Variants in ZNF736 observed in about 807,000 individuals in gnomAD.
ZNF736 encodes the protein KRAB-containing zinc-finger repressor protein.
ZNF736 carries 6 observed loss-of-function variants against 11.7 expected under a neutral mutation model. That is an observed-to-expected ratio of 0.51 (90% CI 0.28 to 1.01). The LOEUF (loss-of-function observed/expected upper bound fraction) is 1.01. ZNF736 is among the 50% of genes least tolerant of loss of function. The pLI is 0.09. For missense variants in ZNF736, 444 were observed against 496.0 expected (o/e 0.90, Z 1.00); for synonymous variants, 139 against 164.7 (o/e 0.84, Z 1.19).
At chr7:64,331,608 G>A (rs1472141871) in intron 1 of ZNF736, among the ~76,000 whole-genome samples, 1 of 152,196 alleles carries the variant, frequency 6.6e-6, no homozygotes, top group Non-Finnish European at 1.5e-5. Context: ...ATGATTGCTG[G>A]AGGGTGCTAT....
Position 64,348,171 on chromosome 7 carries a change from A to G in ZNF736, c.308A>G (p.Tyr103Cys). 6.4e-7 allele frequency: 1 copy of G among 1,550,448 alleles called. No individual in the cohort carries two copies. Residue 103 changes from tyrosine (Y) to cysteine (C), a missense_variant, in exon 4 of 4, where the codon TAT becomes TGT. Tyr to Cys is a radical substitution (Grantham distance 194). Transcript: ENST00000423484. ...DSFQKVILRK[Y>C]GSCDLNNLHL... ...TTTCAAAAAGTGATTCTGAGAAAAT[A>G]TGGAAGCTGTGACCTTAATAATTTA...
chr7:64,344,106 C>G (rs769820063), intron 3 of ZNF736, among the ~76,000 whole-genome samples: 6 of 152,138 alleles, frequency 3.9e-5, no homozygotes, highest in Non-Finnish European at 5.9e-5. Flanking sequence ...AGTTCAAGAC[C>G]AGCCTGGCCA....
At chr7:64,336,175 C>G in intron 1 of ZNF736, 84 bp from the exon 2 acceptor site, 1 of 1,487,656 alleles carries the variant, frequency 6.7e-7, no homozygotes, top group South Asian at 1.2e-5. Flanking sequence ...TAAGTCAGAA[C>G]CAGCTATCTT....
intron 1 of ZNF736, among the ~76,000 whole-genome samples, chr7:64,325,234 T>C (rs1326185557): frequency 6.6e-6 from 1 of 152,204 alleles, no homozygotes; most frequent in African/African-American, 2.4e-5. Flanking sequence ...TAAGCCAGCC[T>C]TGTATAGAAA....
intron 1 of ZNF736, among the ~76,000 whole-genome samples, chr7:64,323,422 A>G (rs1037523334): frequency 9.5e-6 from 1 of 104,784 alleles, no homozygotes; most frequent in African/African-American, 3.6e-5. Flanking sequence ...CTTAAGCAGT[A>G]TATTGTTTTT....
chr7:64,348,573 C>G lies in ZNF736; in HGVS notation c.710C>G (p.Thr237Ser). Residue 237 changes from threonine (T) to serine (S), a missense_variant, in exon 4 of 4, where the codon ACT (threonine) becomes AGT (serine). Coordinates refer to ENST00000423484, the MANE Select transcript of ZNF736 (RefSeq NM_001170905.3). ...KPYKCEGCGK[T>S]FTCSSTLVKH... Reference sequence around the variant, plus strand: ...TACAAATGTGAAGGATGTGGCAAAACTTTTACCTGCTCCTCAACCCTTGTT... The same window carrying G: ...TACAAATGTGAAGGATGTGGCAAAAGTTTTACCTGCTCCTCAACCCTTGTT... 1.3e-6 allele frequency: 2 copies of G among 1,589,304 alleles called. No homozygotes were observed. Among genetic ancestry groups the G allele is most frequent in the Middle Eastern group, 1.7e-4 (1 of 6,026 alleles).
rs2115850983 is a variant in ZNF736, at chr7:64,314,011, A to G, written c.-140A>G. The G allele has an allele frequency of 4.2e-6, 5 of 1,201,278 alleles. No homozygotes were observed. The highest frequency in any genetic ancestry group is 3.0e-5 in the African/African-American group (2 of 66,324). 74.4% of individuals were successfully genotyped at this position (1,201,278 alleles called of 1,614,324 possible). On this transcript the variant is annotated 5_prime_UTR_variant, in exon 1 of 4. Coordinates refer to ENST00000423484, the MANE Select transcript of ZNF736 (RefSeq NM_001170905.3). ...TTTGTCTCCTAGCTTCCGGGCTCTGATCCTAGTTCGCGTCTCCACTGTTCC... is the reference window on the plus strand; with the variant it reads ...TTTGTCTCCTAGCTTCCGGGCTCTGGTCCTAGTTCGCGTCTCCACTGTTCC...
intron 3 of ZNF736, among the ~76,000 whole-genome samples, chr7:64,341,698 TTTCTC>T (rs1789340790): frequency 6.6e-6 from 1 of 152,208 alleles, no homozygotes; most frequent in Non-Finnish European, 1.5e-5. Context: ...TTGTTTTAGA[TTTCTC>T]TTGAGGATAA....
intron 1 of ZNF736, among the ~76,000 whole-genome samples, chr7:64,317,018 A>G (rs775886917): frequency 2.2e-4 from 33 of 152,250 alleles, no homozygotes; most frequent in Non-Finnish European, 4.7e-4. Flanking sequence ...CGTAAATTAC[A>G]AAACATTCAT....
intron 1 of ZNF736, among the ~76,000 whole-genome samples, chr7:64,333,658 G>GGA (rs1789204783): frequency 6.6e-6 from 1 of 150,510 alleles, no homozygotes; most frequent in Admixed American, 6.6e-5. Context: ...GACACAAATG[G>GGA]AAAAAAAAAA....
intron 1 of ZNF736, among the ~76,000 whole-genome samples, chr7:64,333,288 A>T (rs1789197013): frequency 6.6e-6 from 1 of 152,154 alleles, no homozygotes; most frequent in Non-Finnish European, 1.5e-5. Flanking sequence ...TCTGAGAAAT[A>T]CTTTTTCCTT....
chr7:64,346,654 A>G (rs1212052638), intron 3 of ZNF736, among the ~76,000 whole-genome samples: 3 of 151,966 alleles, frequency 2.0e-5, no homozygotes, highest in Non-Finnish European at 1.5e-5. Context: ...TGCTTGTGTT[A>G]TGTCTTGTTA....
intron 1 of ZNF736, among the ~76,000 whole-genome samples, chr7:64,317,287 A>G (rs979481388): frequency 8.5e-5 from 13 of 152,188 alleles, no homozygotes; most frequent in Admixed American, 8.5e-4. Context: ...AATTTTTTCT[A>G]AGCTTATAAA....
intron 3 of ZNF736, among the ~76,000 whole-genome samples, chr7:64,343,887 A>G (rs186839004): frequency 2.7e-3 from 417 of 152,282 alleles, no homozygotes; most frequent in African/African-American, 9.5e-3. Flanking sequence ...TATTTTGCCA[A>G]TATAATTATT....
In ZNF736 at chr7:64,349,096, C is replaced by A. The variant is rs527818731; in HGVS notation, c.1233C>A (p.His411Gln). The A allele has an allele frequency of 1.3e-5, 21 of 1,589,514 alleles. No homozygotes were observed. In the Admixed American group the frequency reaches 2.0e-4, roughly 15 times the overall value. ...ECGKASSWFS[H>Q]LIRHKRIHTR... ...GCAAAGCATCGAGCTGGTTCTCACA[C>A]CTCATCAGACATAAGAGAATTCATA... The change falls in exon 4 of 4, where the codon CAC becomes CAA. Residue 411 changes from histidine (H) to glutamine (Q), a missense_variant. His to Gln is a conservative substitution (Grantham distance 24, BLOSUM62 0). Coordinates refer to ENST00000423484, the MANE Select transcript of ZNF736 (RefSeq NM_001170905.3).
chr7:64,328,942 C>T (rs1214287153), intron 1 of ZNF736, among the ~76,000 whole-genome samples: 1 of 117,980 alleles, frequency 8.5e-6, no homozygotes, highest in Non-Finnish European at 1.7e-5. Context: ...CTTAGAGTTG[C>T]CCTCTTGAGG....
Position 64,349,207 on chromosome 7 carries a change from T to C in ZNF736, c.*60T>C. ...GTGTTCAACATCTGAAATTTAATACTGAACAAATGCAGTATAAATGTAATG... is the reference window on the plus strand; with the variant it reads ...GTGTTCAACATCTGAAATTTAATACCGAACAAATGCAGTATAAATGTAATG... On this transcript the variant is annotated 3_prime_UTR_variant, in exon 4 of 4. Transcript: ENST00000423484. 3 of 1,309,582 alleles carry C rather than the reference T, an allele frequency of 2.3e-6. No homozygotes were observed. In the South Asian group the frequency reaches 4.7e-5, roughly 20 times the overall value. The allele number at this position is 1,309,582 out of a possible 1,614,324, so 81.1% of individuals were successfully genotyped here. A position where few individuals can be genotyped will look rare whatever the true frequency, so the allele number is the denominator to read the frequency against.
rs1789545041 is a variant in ZNF736, at chr7:64,355,698, A to C, written c.*6551A>C. ...CGCCTGTCCTTGATTTTAGATCTTG[A>C]CACAGCACATCCTCAACTTATTGTC... On this transcript the variant is annotated 3_prime_UTR_variant, in exon 4 of 4. Transcript: ENST00000423484. The C allele has an allele frequency of 6.5e-6, 1 of 152,798 alleles. No homozygotes were observed. Among genetic ancestry groups the C allele is most frequent in the African/African-American group, 2.4e-5 (1 of 41,430 alleles). The allele number at this position is 152,798 out of a possible 1,614,324, so 9.5% of individuals were successfully genotyped here. A position where few individuals can be genotyped will look rare whatever the true frequency, so the allele number is the denominator to read the frequency against.
In ZNF736 at chr7:64,318,385, C is replaced by T. The variant is rs1368776777; in HGVS notation, c.3+4232C>T. ...GAAACTATTTAAATTAAACACATTA[C>T]AAAACAATCAGTATTGTAAGTTTAT... On this transcript the variant is annotated intron_variant, in intron 1 of 3. Coordinates refer to ENST00000423484, the MANE Select transcript of ZNF736 (RefSeq NM_001170905.3). 2.6e-5 allele frequency among the ~76,000 whole-genome samples: 4 copies of T among 151,994 alleles called. No homozygotes were observed. In the East Asian group the frequency reaches 5.8e-4, roughly 22 times the overall value.
Sources: allele counts gnomAD v4.1 joint callset (sites outside exome capture counted in the v4.1 genomes callset), GRCh38; gene constraint gnomAD v4.1.1; transcripts MANE v1.5; gene names NCBI Gene and HGNC (gene_info 2026-07-23, HGNC 2026-07-21).